Variants in PDZRN4 observed in about 807,000 individuals in gnomAD.
PDZRN4 encodes the protein PDZ domain-containing RING finger protein 4.
Under a neutral mutation model 99.0 loss-of-function variants are expected in PDZRN4, and 70 were observed. The ratio of observed to expected loss-of-function variants is 0.71; its 90% CI spans 0.58 to 0.86. PDZRN4 has a LOEUF of 0.86. Ranked by LOEUF, PDZRN4 falls within the 40% of genes least tolerant of loss-of-function variation. The probability of loss-of-function intolerance (pLI) is 0.00; values close to 1 mark genes in which losing one functional copy is unlikely to be tolerated. For synonymous variants in PDZRN4, 551 were observed against 501.6 expected (o/e 1.10, Z -1.32); for missense variants, 1,474 against 1,331.2 (o/e 1.11, Z -1.67).
At chr12:41,276,780 C>G (rs932608980) in intron 3 of PDZRN4, among the ~76,000 whole-genome samples, 1 of 152,162 alleles carries the variant, frequency 6.6e-6, no homozygotes, top group African/African-American at 2.4e-5. Context: ...ATGTAAAGTA[C>G]TAAGCAAAGT....
chr12:41,534,285 CT>C (rs11437867), intron 5 of PDZRN4, among the ~76,000 whole-genome samples: 5 of 150,388 alleles, frequency 3.3e-5, no homozygotes, highest in Admixed American at 6.6e-5. Context: ...CTCTTTTTAA[CT>C]TTTTTTTTTA....
chr12:41,453,964 A>C (rs1401462566), intron 3 of PDZRN4, among the ~76,000 whole-genome samples: 1 of 71,784 alleles, frequency 1.4e-5, no homozygotes, highest in African/African-American at 7.0e-5. Context: ...AATAGCTGTA[A>C]CATTGTTTAT....
Position 41,574,509 on chromosome 12 carries a change from A to G in PDZRN4, c.*619A>G, listed in dbSNP as rs1337839437. ...GACAATCTTCCTGTGATATGTAGTG[A>G]CATTGGTCATGTAGCTAGATAATTA... On this transcript the variant is annotated 3_prime_UTR_variant, in exon 10 of 10. Coordinates refer to ENST00000402685, the MANE Select transcript of PDZRN4 (RefSeq NM_001164595.2). 1 of 152,676 alleles carries G rather than the reference A, an allele frequency of 6.5e-6. No individual in the cohort carries two copies. Among genetic ancestry groups the G allele is most frequent in the Admixed American group, 6.5e-5 (1 of 15,286 alleles). The allele number at this position is 152,676 out of a possible 1,614,324, so 9.5% of individuals were successfully genotyped here.
At chr12:41,428,502 C>T (rs1465408791) in intron 3 of PDZRN4, among the ~76,000 whole-genome samples, 1 of 152,086 alleles carries the variant, frequency 6.6e-6, no homozygotes, top group Non-Finnish European at 1.5e-5. Context: ...TAGAACTGTC[C>T]ACACTCTAAA....
At chr12:41,202,272 C>G (rs939433585) in intron 3 of PDZRN4, among the ~76,000 whole-genome samples, 2 of 152,038 alleles carry the variant, frequency 1.3e-5, no homozygotes, top group Non-Finnish European at 2.9e-5. Context: ...TCTGAAGAAG[C>G]TTAAGGCACA....
intron 3 of PDZRN4, among the ~76,000 whole-genome samples, chr12:41,478,264 C>T (rs1377530644): frequency 6.6e-6 from 1 of 152,008 alleles, no homozygotes; most frequent in Non-Finnish European, 1.5e-5. Flanking sequence ...TACAGGCATG[C>T]ACCACCATAT....
At position 41,422,580 on chromosome 12, in the gene PDZRN4, C is replaced by T. The variant is rs866883307; in HGVS notation, c.844-83876C>T. Reference sequence around the variant, plus strand: ...GAAGGGGAAGCAAGGACCTTCTTCACATGGTGACAGGAGAGAGAGAGAGTG... The same window carrying T: ...GAAGGGGAAGCAAGGACCTTCTTCATATGGTGACAGGAGAGAGAGAGAGTG... On this transcript the variant is annotated intron_variant, in intron 3 of 9. Transcript: ENST00000402685. 3.3e-5 allele frequency among the ~76,000 whole-genome samples: 5 copies of T among 152,096 alleles called. No individual in the cohort carries two copies. In the South Asian group the frequency reaches 1.0e-3, roughly 32 times the overall value.
intron 3 of PDZRN4, among the ~76,000 whole-genome samples, chr12:41,382,258 T>C (rs2121103477): frequency 6.6e-6 from 1 of 152,222 alleles, no homozygotes; most frequent in Admixed American, 6.5e-5. Flanking sequence ...TGGGCTGCAG[T>C]CTGGGCTCTA....
chr12:41,457,215 A>T (rs1220825421), intron 3 of PDZRN4, among the ~76,000 whole-genome samples: 1 of 152,304 alleles, frequency 6.6e-6, no homozygotes, highest in East Asian at 1.9e-4. Context: ...TGATATAAAC[A>T]CTATGCTATT....
intron 3 of PDZRN4, among the ~76,000 whole-genome samples, chr12:41,362,120 T>C (rs1175262053): frequency 5.3e-5 from 8 of 151,958 alleles, no homozygotes; most frequent in Admixed American, 2.6e-4. Flanking sequence ...TTGAAGCTAG[T>C]TAAACAGAAG....
chr12:41,409,223 A>C (rs1952374209), intron 3 of PDZRN4, among the ~76,000 whole-genome samples: 1 of 152,128 alleles, frequency 6.6e-6, no homozygotes, highest in Non-Finnish European at 1.5e-5. Flanking sequence ...AATACCTCTT[A>C]TTTCTAGATT....
chr12:41,416,095 A>T (rs1307581147), intron 3 of PDZRN4, among the ~76,000 whole-genome samples: 1 of 152,194 alleles, frequency 6.6e-6, no homozygotes, highest in Non-Finnish European at 1.5e-5. Flanking sequence ...TTCCCAAATC[A>T]TGCCATTAAA....
intron 3 of PDZRN4, among the ~76,000 whole-genome samples, chr12:41,384,949 G>C (rs1952157361): frequency 6.6e-6 from 1 of 152,168 alleles, no homozygotes; most frequent in African/African-American, 2.4e-5. Context: ...ACTGCTTACA[G>C]ATAAGATACA....
At chr12:41,498,024 A>T (rs2468313) in intron 3 of PDZRN4, among the ~76,000 whole-genome samples, 46,069 of 151,912 alleles carry the variant, frequency 0.3, 7,571 homozygotes, top group African/African-American at 0.43. Context: ...AGAATAAAAA[A>T]TAATGATTTT....
intron 3 of PDZRN4, among the ~76,000 whole-genome samples, chr12:41,406,197 A>G (rs867236407): frequency 6.6e-6 from 1 of 152,328 alleles, no homozygotes; most frequent in Middle Eastern, 3.4e-3. Context: ...CTAAAATACA[A>G]GTACTAGATA....
chr12:41,295,931 G>A (rs533352754), intron 3 of PDZRN4, among the ~76,000 whole-genome samples: 1 of 152,222 alleles, frequency 6.6e-6, no homozygotes, highest in South Asian at 2.1e-4. Context: ...ATGAGATAAT[G>A]TTGAAGATGA....
At chr12:41,500,668 AAT>A (rs1183911762) in intron 3 of PDZRN4, among the ~76,000 whole-genome samples, 1 of 151,998 alleles carries the variant, frequency 6.6e-6, no homozygotes, top group African/African-American at 2.4e-5. Context: ...TTTTATTATA[AAT>A]ATGTTTTACA....
intron 3 of PDZRN4, among the ~76,000 whole-genome samples, chr12:41,440,687 C>T (rs1273926059): frequency 1.3e-5 from 2 of 152,126 alleles, no homozygotes; most frequent in Non-Finnish European, 2.9e-5. Flanking sequence ...CACACAGATA[C>T]AAGAATCTAG....
At chr12:41,267,156 T>C (rs752071495) in intron 3 of PDZRN4, among the ~76,000 whole-genome samples, 1 of 152,224 alleles carries the variant, frequency 6.6e-6, no homozygotes, top group Non-Finnish European at 1.5e-5. Flanking sequence ...TATCATCTTA[T>C]ATGGATAATG....
Sources: allele counts gnomAD v4.1 joint callset (sites outside exome capture counted in the v4.1 genomes callset), GRCh38; gene constraint gnomAD v4.1.1; transcripts MANE v1.5; gene names NCBI Gene and HGNC (gene_info 2026-07-23, HGNC 2026-07-21).